Variants in PFKL observed in about 807,000 individuals in gnomAD.
The protein encoded by PFKL is ATP-dependent 6-phosphofructokinase, liver type.
In PFKL, 74 loss-of-function variants were observed where a neutral mutation model predicts 92.1. The ratio of observed to expected loss-of-function variants is 0.80; its 90% CI spans 0.67 to 0.97. The LOEUF is 0.97. Ranked by LOEUF, PFKL falls within the 50% of genes least tolerant of loss-of-function variation. The pLI is 0.00. For missense variants in PFKL, 1,028 were observed against 1,116.6 expected (o/e 0.92, Z 1.13); for synonymous variants, 494 against 456.4 (o/e 1.08, Z -1.05).
At position 44,323,039 on chromosome 21, in the gene PFKL, G is replaced by A; in HGVS notation, c.1487G>A (p.Gly496Asp). ...IYGIHALLVV[G>D]GFEAYEGVLQ... ...GGTATTCACGCCCTGCTGGTGGTCG[G>A]TGGGTTTGAGGTGAGAGCTGCCCAC... is the stretch of plus-strand genomic sequence containing the variant. Residue 496 changes from glycine (G) to aspartate (D), a missense_variant, in exon 15 of 22, where the codon GGT (glycine) becomes GAT (aspartate). Transcript: ENST00000349048. 1.2e-6 allele frequency: 2 copies of A among 1,613,026 alleles called. No individual in the cohort carries two copies. The highest frequency in any genetic ancestry group is 1.7e-6 in the Non-Finnish European group (2 of 1,179,546).
intron 11 of PFKL, 153 bp downstream of exon 11, chr21:44,319,568 C>T (rs1357208332): frequency 5.8e-6 from 4 of 686,558 alleles, no homozygotes; most frequent in Non-Finnish European, 1.0e-5. Context: ...GCGGGTGGTA[C>T]AGGAGGCGGG....
At chr21:44,307,703 C>T (rs1017731197) in intron 2 of PFKL, among the ~76,000 whole-genome samples, 2 of 138,700 alleles carry the variant, frequency 1.4e-5, no homozygotes, top group African/African-American at 2.7e-5. Context: ...TGTGCTGGCC[C>T]GTCCTCTCCC....
chr21:44,316,071 C>G, intron 7 of PFKL, 173 bp from the exon 8 acceptor site: 2 of 636,380 alleles, frequency 3.1e-6, no homozygotes, highest in Non-Finnish European at 5.6e-6. Context: ...TGGGCCCAGC[C>G]TCATCTCTGC....
In PFKL at chr21:44,318,485, A is replaced by G. The variant is rs376635305; in HGVS notation, c.952A>G (p.Met318Val). 11 of 1,561,498 alleles carry G rather than the reference A, an allele frequency of 7.0e-6. No homozygotes were observed. The South Asian group carries it at 8.1e-5, about 12-fold the overall frequency. Reference sequence around the variant, plus strand: ...TTCCCCACAGAGCAGCAAGATGGGCATGGAGGCGGTGATGGCGCTGCTGGA... The same window carrying G: ...TTCCCCACAGAGCAGCAAGATGGGCGTGGAGGCGGTGATGGCGCTGCTGGA... ...FDRILSSKMG[M>V]EAVMALLEAT... Residue 318 changes from methionine (M) to valine (V), a missense_variant, in exon 10 of 22, where the codon ATG becomes GTG. By Grantham distance (21) the Met-to-Val change is conservative. Transcript: ENST00000349048.
At chr21:44,322,894 G>C (rs999494941) in intron 14 of PFKL, 68 bp from the exon 15 acceptor site, 2 of 1,160,344 alleles carry the variant, frequency 1.7e-6, no homozygotes, top group African/African-American at 3.0e-5. Flanking sequence ...GCCTTTCTGT[G>C]ATCAGATGCA....
At chr21:44,317,031 G>A (rs1034314804) in intron 9 of PFKL, among the ~76,000 whole-genome samples, 2 of 152,218 alleles carry the variant, frequency 1.3e-5, no homozygotes, top group African/African-American at 4.8e-5. Context: ...GGAGGCTGGT[G>A]CTGGGAGGGA....
At chr21:44,324,822 T>C in intron 17 of PFKL, 34 bp from the exon 18 acceptor site, 1 of 1,598,854 alleles carries the variant, frequency 6.3e-7, no homozygotes, top group Non-Finnish European at 8.5e-7. Flanking sequence ...CTCCCCACAG[T>C]CCTCCGGCTC....
intron 15 of PFKL, 94 bp downstream of exon 15, chr21:44,323,143 G>T: frequency 9.2e-7 from 1 of 1,081,672 alleles, no homozygotes. Context: ...CCGTGTGCTG[G>T]CTGGGCCGAT....
intron 1 of PFKL, chr21:44,304,174 G>A (rs2040859466): frequency 1.6e-6 from 2 of 1,276,174 alleles, no homozygotes; most frequent in South Asian, 2.5e-5. Flanking sequence ...TTGTCTCCGG[G>A]CGTCAAAGCA....
chr21:44,316,206 C>T (rs753428802), intron 7 of PFKL, 38 bp from the exon 8 acceptor site: 3 of 1,601,484 alleles, frequency 1.9e-6, no homozygotes, highest in Admixed American at 1.7e-5. Flanking sequence ...GCAGGTTTCC[C>T]TGCCTGGCAG....
intron 7 of PFKL, 79 bp downstream of exon 7, chr21:44,314,100 T>C: frequency 1.1e-6 from 1 of 948,190 alleles, no homozygotes. Context: ...GGGACCAGCC[T>C]TGACCAACTC....
At chr21:44,322,347 T>A in intron 14 of PFKL, 144 bp downstream of exon 14, 2 of 718,810 alleles carry the variant, frequency 2.8e-6, no homozygotes, top group Non-Finnish European at 4.4e-6. Flanking sequence ...AGAGCAGGCT[T>A]CACGCCTCCT....
At chr21:44,313,767 T>C (rs1332121679) in intron 6 of PFKL, 85 bp downstream of exon 6, 3 of 1,425,806 alleles carry the variant, frequency 2.1e-6, no homozygotes, top group Non-Finnish European at 2.9e-6. Flanking sequence ...ATTCTAGGGC[T>C]CAGTTAATGC....
Position 44,317,722 on chromosome 21 carries a change from G to T in PFKL, c.937-748G>T, listed in dbSNP as rs116265532. 6.6e-3 allele frequency among the ~76,000 whole-genome samples: 1,004 copies of T among 152,338 alleles called. 11 individuals are homozygous for T. The highest frequency in any genetic ancestry group is 0.023 in the African/African-American group (963 of 41,560). On this transcript the variant is annotated intron_variant, in intron 9 of 21. Transcript: ENST00000349048. ...CGAAGGGGCCAGGGGACCCTAGCAC[G>T]TGCAGTGGTAACCTGCACTTTTCCA...
Position 44,316,395 on chromosome 21 carries a change from C to T in PFKL, c.844-37C>T, listed in dbSNP as rs112809864. 9.7e-4 allele frequency: 1,571 copies of T among 1,611,544 alleles called. 17 individuals carry two copies. In the African/African-American group the frequency reaches 0.017, roughly 17 times the overall value. On this transcript the variant is annotated intron_variant, in intron 8 of 21. Transcript: ENST00000349048. ...CACCTGCTCCTCTAGGCCGTGTGGG[C>T]TGGGGCTCAGGGCTGGTCCTTCCCA...
At chr21:44,319,714 G>C (rs1683760279) in intron 11 of PFKL, 1 of 538,044 alleles carries the variant, frequency 1.9e-6, no homozygotes, top group Non-Finnish European at 3.3e-6. Flanking sequence ...CGGGGGCTGG[G>C]AAGGCTGGCA....
In PFKL at chr21:44,319,364, A is replaced by C. The variant is rs1402868514; in HGVS notation, c.1076A>C (p.Gln359Pro). 6.2e-7 allele frequency: 1 copy of C among 1,613,722 alleles called. No homozygotes were observed. Among genetic ancestry groups the C allele is most frequent in the Admixed American group, 1.7e-5 (1 of 60,018 alleles). Residue 359 changes from glutamine (Q) to proline (P), a missense_variant, in exon 11 of 22, where the codon CAG becomes CCG. Coordinates refer to ENST00000349048, the MANE Select transcript of PFKL (RefSeq NM_002626.6). ...CTCTTCCTTAAGACCAAGGAAGTGC[A>C]GAAAGCCATGGATGACAAGAGGTTT... ...MECVQMTKEV[Q>P]KAMDDKRFDE...
chr21:44,326,057 A>G lies in PFKL; in HGVS notation c.2086A>G (p.Lys696Glu), dbSNP rs147169525. Reference protein sequence around the residue: ...LSEKLREVYRKGRVFANAPDS... With the variant: ...LSEKLREVYREGRVFANAPDS... ...GGAGAAGCTGCGCGAGGTTTACCGC[A>G]AGGGTAGGTGGTGGGTGCGACCCGA... The change falls in exon 20 of 22, where the codon AAG becomes GAG. Residue 696 changes from lysine (K) to glutamate (E), a missense_variant. By Grantham distance (56) the Lys-to-Glu change is moderately conservative. Coordinates refer to ENST00000349048, the MANE Select transcript of PFKL (RefSeq NM_002626.6). 1.3e-3 allele frequency: 2,021 copies of G among 1,613,452 alleles called. 3 individuals carry two copies. Among genetic ancestry groups the G allele is most frequent in the Non-Finnish European group, 1.6e-3 (1,835 of 1,179,758 alleles).
intron 4 of PFKL, among the ~76,000 whole-genome samples, chr21:44,312,534 G>A (rs1201325648): frequency 1.3e-5 from 2 of 152,214 alleles, no homozygotes; most frequent in Admixed American, 6.5e-5. Flanking sequence ...TGGGGCTGGT[G>A]GAGGCCGGTG....
Sources: allele counts gnomAD v4.1 joint callset (sites outside exome capture counted in the v4.1 genomes callset), GRCh38; gene constraint gnomAD v4.1.1; transcripts MANE v1.5; gene names NCBI Gene and HGNC (gene_info 2026-07-23, HGNC 2026-07-21).